Variants in NREP observed in about 807,000 individuals in gnomAD.
NREP encodes neuronal regeneration related protein.
A neutral mutation model predicts 8.6 loss-of-function variants in NREP; 5 were observed. The observed-to-expected ratio is 0.58, with a 90% CI of 0.30 to 1.22. The LOEUF (loss-of-function observed/expected upper bound fraction) is 1.22, where lower values mean the gene tolerates loss of function less well. Ranked by LOEUF, NREP falls within the 50% of genes most tolerant of loss-of-function variation. The pLI is 0.07. For missense variants in NREP, 86 were observed against 82.5 expected (o/e 1.04, Z -0.17); for synonymous variants, 27 against 28.0 (o/e 0.96, Z 0.11).
intron 2 of NREP, among the ~76,000 whole-genome samples, chr5:111,824,575 T>C (rs953229814): frequency 6.6e-6 from 1 of 152,158 alleles, no homozygotes; most frequent in Non-Finnish European, 1.5e-5. Context: ...ATTGTACTTT[T>C]TTATCTATAG....
chr5:111,867,655 T>C (rs1189087093), intron 2 of NREP, among the ~76,000 whole-genome samples: 1 of 152,130 alleles, frequency 6.6e-6, no homozygotes, highest in East Asian at 1.9e-4. Context: ...AATTTTTGGT[T>C]GAATATTAGG....
At chr5:111,840,784 G>A (rs1249580488) in intron 2 of NREP, among the ~76,000 whole-genome samples, 1 of 152,050 alleles carries the variant, frequency 6.6e-6, no homozygotes, top group South Asian at 2.1e-4. Flanking sequence ...TAAGCAAATA[G>A]GAATAGTAAA....
intron 2 of NREP, among the ~76,000 whole-genome samples, chr5:111,798,619 A>G (rs1285955064): frequency 6.6e-6 from 1 of 152,066 alleles, no homozygotes; most frequent in Non-Finnish European, 1.5e-5. Context: ...GAGAACATAC[A>G]ATGTTTGATT....
intron 2 of NREP, among the ~76,000 whole-genome samples, chr5:111,932,492 G>A (rs1011291425): frequency 6.6e-6 from 1 of 152,084 alleles, no homozygotes; most frequent in Non-Finnish European, 1.5e-5. Flanking sequence ...AATTATCAAT[G>A]TGCAGTTAGT....
chr5:111,827,869 AC>A, intron 2 of NREP, among the ~76,000 whole-genome samples: 1 of 152,180 alleles, frequency 6.6e-6, no homozygotes, highest in East Asian at 1.9e-4. Flanking sequence ...CAAACAAAAA[AC>A]AACAACAAAA....
At chr5:111,805,572 T>C (rs542408102) in intron 2 of NREP, among the ~76,000 whole-genome samples, 1 of 152,356 alleles carries the variant, frequency 6.6e-6, no homozygotes, top group African/African-American at 2.4e-5. Flanking sequence ...CAAAATAGTA[T>C]ATGTGATGTG....
At chr5:111,756,361 G>A (rs2112853779) in intron 1 of NREP, 5 of 584,658 alleles carry the variant, frequency 8.6e-6, no homozygotes, top group African/African-American at 2.1e-5. Context: ...ACACCATTCT[G>A]TCCTTCTCCC....
At chr5:111,843,422 T>C (rs1160087141) in intron 2 of NREP, among the ~76,000 whole-genome samples, 1 of 151,984 alleles carries the variant, frequency 6.6e-6, no homozygotes. Context: ...ATGGTTTGTA[T>C]TTATTTGTTT....
chr5:111,755,956 ATTG>A lies in NREP; in HGVS notation c.-58-129_-58-127del. 14 of 1,466,368 alleles carry A rather than the reference ATTG, an allele frequency of 9.5e-6. 1 individual carries two copies. Among genetic ancestry groups the A allele is most frequent in the South Asian group, 6.9e-5 (5 of 72,600 alleles). 90.8% of individuals were successfully genotyped at this position (1,466,368 alleles called of 1,614,324 possible). On this transcript the variant is annotated intron_variant, in intron 1 of 3. Transcript: ENST00000257435. ...GGTTAAGATAAGTTACATGCAAATT[ATTG>A]TTAACTACTGGGATTTCTGAAAGAG...
intron 2 of NREP, among the ~76,000 whole-genome samples, chr5:111,915,597 C>A (rs1430930835): frequency 6.6e-6 from 1 of 152,070 alleles, no homozygotes; most frequent in African/African-American, 2.4e-5. Context: ...GACACATTAA[C>A]CAGCAGACAC....
At chr5:111,818,379 G>A (rs1215039188) in intron 2 of NREP, among the ~76,000 whole-genome samples, 1 of 152,208 alleles carries the variant, frequency 6.6e-6, no homozygotes, top group Non-Finnish European at 1.5e-5. Context: ...GTGACGTGGT[G>A]TTATAGAGAT....
intron 2 of NREP, among the ~76,000 whole-genome samples, chr5:111,882,410 G>A (rs887780077): frequency 3.3e-5 from 5 of 152,186 alleles, no homozygotes; most frequent in African/African-American, 9.7e-5. Context: ...CACTCTGCAG[G>A]ATATTATCCA....
At chr5:111,801,795 A>G (rs1752014638) in intron 2 of NREP, among the ~76,000 whole-genome samples, 3 of 152,246 alleles carry the variant, frequency 2.0e-5, no homozygotes, top group Admixed American at 2.0e-4. Context: ...TACTTCTTAT[A>G]ATAATGGCAT....
chr5:111,757,408 C>G (rs535872067), upstream of NREP: 31 of 978,878 alleles, frequency 3.2e-5, no homozygotes, highest in African/African-American at 4.2e-4. Context: ...GTGTGTGTGT[C>G]TCTCTCTTTC....
chr5:111,742,647 C>T (rs1749755347), intron 2 of NREP, among the ~76,000 whole-genome samples: 1 of 152,106 alleles, frequency 6.6e-6, no homozygotes, highest in Non-Finnish European at 1.5e-5. Context: ...TTCACCACGA[C>T]TTAAAACCAT....
rs150572953 is a variant in NREP at position 111,890,459 on chromosome 5, G to C, written c.135+84815C>G. ...TGGCCCTCTTCTCACAGCTCCACTAGGCAGTGCTCTGTTGGAGACTCTGTG... is the reference window on the plus strand; with the variant it reads ...TGGCCCTCTTCTCACAGCTCCACTACGCAGTGCTCTGTTGGAGACTCTGTG... On this transcript the variant is annotated intron_variant, in intron 2 of 3. Transcript: ENST00000395634. Among the ~76,000 whole-genome samples the C allele has an allele frequency of 8.5e-4, 130 of 152,308 alleles. 1 individual carries two copies. In the East Asian group the frequency reaches 0.021, roughly 25 times the overall value.
chr5:111,968,363 T>C (rs1756704557), intron 2 of NREP, among the ~76,000 whole-genome samples: 1 of 152,210 alleles, frequency 6.6e-6, no homozygotes, highest in Non-Finnish European at 1.5e-5. Flanking sequence ...TTTCAGATAA[T>C]GGCTAAGTCC....
chr5:111,779,947 T>C (rs146745273), intron 2 of NREP, among the ~76,000 whole-genome samples: 12 of 152,344 alleles, frequency 7.9e-5, no homozygotes, highest in African/African-American at 1.7e-4. Context: ...ATATTCATAA[T>C]GTCTGAGGCT....
intron 2 of NREP, among the ~76,000 whole-genome samples, chr5:111,825,102 G>GCT (rs1752592996): frequency 6.6e-6 from 1 of 151,968 alleles, no homozygotes; most frequent in African/African-American, 2.4e-5. Flanking sequence ...TTTTCCTTTT[G>GCT]CATTAAACTG....
Sources: gnomAD v4.1 joint callset for allele counts (sites outside exome capture counted in the v4.1 genomes callset) on GRCh38, gnomAD v4.1.1 for gene constraint, MANE v1.5 for transcripts, NCBI Gene and HGNC (gene_info 2026-07-23, HGNC 2026-07-21) for gene names.